The following BTD variants were observed in gnomAD, a reference collection of about 807,000 sequenced individuals.
The protein encoded by BTD is biotinidase, also known as biocytinase.
BTD carries 13 observed loss-of-function variants against 17.7 expected under a neutral mutation model. The observed-to-expected ratio is 0.74, with a 90% CI of 0.48 to 1.17. BTD has a LOEUF of 1.17. Ranked by LOEUF, BTD falls within the 50% of genes most tolerant of loss-of-function variation. The pLI, the probability that BTD is intolerant of heterozygous loss-of-function variation, is 0.00. For synonymous variants in BTD, 240 were observed against 245.2 expected (o/e 0.98, Z 0.20); for missense variants, 674 against 650.4 (o/e 1.04, Z -0.39).
intron 1 of BTD, among the ~76,000 whole-genome samples, chr3:15,603,873 G>A (rs2064361480): frequency 2.0e-5 from 3 of 152,142 alleles, no homozygotes; most frequent in South Asian, 4.1e-4. Context: ...TTTTGACTTC[G>A]TATCTCACAG....
At chr3:15,705,753 G>A (rs2071266602) in intron 3 of BTD, among the ~76,000 whole-genome samples, 1 of 152,178 alleles carries the variant, frequency 6.6e-6, no homozygotes, top group Non-Finnish European at 1.5e-5. Flanking sequence ...TGTAATCCCA[G>A]CATTTTGGAA....
intron 3 of BTD, among the ~76,000 whole-genome samples, chr3:15,707,258 GAA>G (rs61116421): frequency 9.9e-4 from 149 of 150,456 alleles, no homozygotes; most frequent in African/African-American, 3.6e-3. Flanking sequence ...CGTGCAAGAA[GAA>G]AAAAAAAATA....
downstream of BTD, among the ~76,000 whole-genome samples, chr3:15,658,142 T>C (rs909853830): frequency 6.8e-6 from 1 of 146,326 alleles, no homozygotes; most frequent in African/African-American, 2.6e-5. Flanking sequence ...CACTCCAGCC[T>C]GAGGTGACAG....
intron 1 of BTD, 164 bp downstream of exon 1, chr3:15,602,058 T>C: frequency 2.1e-6 from 3 of 1,453,816 alleles, no homozygotes; most frequent in South Asian, 2.9e-5. Context: ...GCGTTGCTGC[T>C]GTGCTACCGC....
At chr3:15,658,777 G>A (rs952527505) in intron 3 of BTD, among the ~76,000 whole-genome samples, 3 of 152,200 alleles carry the variant, frequency 2.0e-5, no homozygotes, top group Admixed American at 6.5e-5. Context: ...AGCTTATTGA[G>A]TACTTACTAT....
chr3:15,617,429 T>C (rs2064826672), intron 1 of BTD, among the ~76,000 whole-genome samples: 1 of 151,936 alleles, frequency 6.6e-6, no homozygotes, highest in South Asian at 2.1e-4. Flanking sequence ...ATCTATGATC[T>C]GTTTTGAGTT....
Position 15,609,894 on chromosome 3 carries a change from A to G in BTD, c.-17+8000A>G, listed in dbSNP as rs555836111. 8.3e-4 allele frequency among the ~76,000 whole-genome samples: 125 copies of G among 150,000 alleles called. 1 individual carries two copies. The highest frequency in any genetic ancestry group is 1.6e-3 in the Non-Finnish European group (106 of 67,458). On this transcript the variant is annotated intron_variant, in intron 1 of 3. Transcript: ENST00000643237. ...ACTGGTCTTCCTTATTTTTTTTTTA[A>G]TTTTTTTATTTTTTTGGTAACTTGC...
At chr3:15,700,404 T>C (rs1008932877) in intron 3 of BTD, among the ~76,000 whole-genome samples, 1 of 151,438 alleles carries the variant, frequency 6.6e-6, no homozygotes, top group Non-Finnish European at 1.5e-5. Context: ...TGTATACCTA[T>C]CTAACAAACC....
intron 3 of BTD, among the ~76,000 whole-genome samples, chr3:15,698,895 A>C (rs954628687): frequency 1.3e-5 from 2 of 152,200 alleles, no homozygotes; most frequent in East Asian, 1.9e-4. Context: ...AACTACTTTA[A>C]AGTTCATATG....
At chr3:15,718,072 A>C (rs921468132) in intron 4 of BTD, among the ~76,000 whole-genome samples, 6 of 152,206 alleles carry the variant, frequency 3.9e-5, no homozygotes, top group Non-Finnish European at 7.3e-5. Context: ...TCAATAACTT[A>C]ATAACACCGA....
chr3:15,658,857 C>T (rs922271113), intron 3 of BTD, among the ~76,000 whole-genome samples: 28 of 152,188 alleles, frequency 1.8e-4, no homozygotes, highest in African/African-American at 6.3e-4. Flanking sequence ...CTGGAGTCTT[C>T]CCATTCACAT....
chr3:15,721,632 A>AT (rs2073744822), intron 4 of BTD, among the ~76,000 whole-genome samples: 1 of 152,210 alleles, frequency 6.6e-6, no homozygotes, highest in Non-Finnish European at 1.5e-5. Context: ...TATTTAATTC[A>AT]TTTTTTGCCA....
intron 3 of BTD, chr3:15,678,086 GTAAAAGGTTT>G: frequency 2.0e-6 from 2 of 993,992 alleles, no homozygotes; most frequent in Non-Finnish European, 2.8e-6. Context: ...TTGCAAACAG[GTAAAAGGTTT>G]TAAGTCTTAG....
chr3:15,656,507 T>C (rs960964082), downstream of BTD, among the ~76,000 whole-genome samples: 1 of 152,260 alleles, frequency 6.6e-6, no homozygotes, highest in Non-Finnish European at 1.5e-5. Context: ...CTTTGTTCTT[T>C]GTGCTCTTGC....
intron 1 of BTD, among the ~76,000 whole-genome samples, chr3:15,633,909 A>C (rs372901722): frequency 6.6e-6 from 1 of 152,212 alleles, no homozygotes; most frequent in Non-Finnish European, 1.5e-5. Context: ...TTTTGTTTCT[A>C]CTCAAAAACT....
At chr3:15,700,198 AG>A (rs2070344842) in intron 3 of BTD, among the ~76,000 whole-genome samples, 2 of 152,170 alleles carry the variant, frequency 1.3e-5, no homozygotes, top group African/African-American at 2.4e-5. Flanking sequence ...GAACACATGG[AG>A]GGGAACATTA....
At chr3:15,633,001 A>T (rs73032008) in intron 1 of BTD, 15,013 of 152,228 alleles carry the variant, frequency 0.099, 948 homozygotes, top group East Asian at 0.34. Flanking sequence ...GGATACCGAA[A>T]CCCTCAGATG....
At chr3:15,689,092 G>C (rs753203969) in intron 3 of BTD, among the ~76,000 whole-genome samples, 3 of 152,152 alleles carry the variant, frequency 2.0e-5, no homozygotes, top group Non-Finnish European at 4.4e-5. Context: ...TATTCCCTGA[G>C]AATACAATCA....
chr3:15,674,833 G>C (rs1297768359), intron 3 of BTD, among the ~76,000 whole-genome samples: 1 of 152,208 alleles, frequency 6.6e-6, no homozygotes, highest in Non-Finnish European at 1.5e-5. Flanking sequence ...ACGATCAGTT[G>C]TGCCAAAAGC....
Sources: gnomAD v4.1 joint callset for allele counts (sites outside exome capture counted in the v4.1 genomes callset) on GRCh38, gnomAD v4.1.1 for gene constraint, MANE v1.5 for transcripts, NCBI Gene and HGNC (gene_info 2026-07-23, HGNC 2026-07-21) for gene names.